Variants in LIPC observed in about 807,000 individuals in gnomAD.
LIPC encodes lipase C, hepatic type.
Under a neutral mutation model 50.7 loss-of-function variants are expected in LIPC, and 44 were observed. That is an observed-to-expected ratio of 0.87 (90% confidence interval 0.68 to 1.11). The LOEUF is 1.11. LIPC is among the 50% of genes most tolerant of loss of function. The pLI, the probability that LIPC is intolerant of heterozygous loss-of-function variation, is 0.00. For missense variants in LIPC, 697 were observed against 648.2 expected, an observed-to-expected ratio of 1.08 and a Z score of -0.82; for synonymous variants, 271 against 256.4, an observed-to-expected ratio of 1.06 and a Z score of -0.54.
chr15:58,547,068 T>A (rs2140924703), intron 5 of LIPC, among the ~76,000 whole-genome samples: 1 of 152,232 alleles, frequency 6.6e-6, no homozygotes, highest in Non-Finnish European at 1.5e-5. Context: ...GTATGGGCTT[T>A]ATTTTCCTGG....
intron 1 of LIPC, among the ~76,000 whole-genome samples, chr15:58,442,860 C>T (rs943348727): frequency 2.0e-5 from 3 of 152,170 alleles, no homozygotes; most frequent in Non-Finnish European, 2.9e-5. Context: ...GTTCTGGTGT[C>T]CCTCTCAGAG....
intron 6 of LIPC, among the ~76,000 whole-genome samples, chr15:58,555,899 G>C (rs977986148): frequency 1.3e-5 from 2 of 152,158 alleles, no homozygotes; most frequent in African/African-American, 4.8e-5. Context: ...TCTCTTCTCC[G>C]CCCTGATCTC....
At chr15:58,555,489 A>C (rs1434488169) in intron 6 of LIPC, among the ~76,000 whole-genome samples, 3 of 152,174 alleles carry the variant, frequency 2.0e-5, no homozygotes, top group Non-Finnish European at 4.4e-5. Context: ...GGCGATATAG[A>C]AAGAGTCTTT....
chr15:58,547,110 G>T (rs552305338), intron 5 of LIPC, among the ~76,000 whole-genome samples: 1 of 152,166 alleles, frequency 6.6e-6, no homozygotes, highest in African/African-American at 2.4e-5. Flanking sequence ...ATTACCATTT[G>T]CTCTTTTGTG....
intron 1 of LIPC, among the ~76,000 whole-genome samples, chr15:58,453,862 G>A (rs1894009535): frequency 6.9e-6 from 1 of 145,944 alleles, no homozygotes; most frequent in African/African-American, 2.5e-5. Flanking sequence ...GCAAGACCCT[G>A]TCTCAAAAAA....
At chr15:58,546,865 G>A (rs539161729) in intron 5 of LIPC, among the ~76,000 whole-genome samples, 60 of 152,124 alleles carry the variant, frequency 3.9e-4, no homozygotes, top group Admixed American at 1.6e-3. Context: ...CATTTTGGCT[G>A]GACTCCCAGC....
intron 8 of LIPC, among the ~76,000 whole-genome samples, chr15:58,567,333 ATATATGTATATGTATATATATATATG>A (rs1566955195): frequency 1.5e-4 from 11 of 74,928 alleles, no homozygotes; most frequent in African/African-American, 1.1e-3. Context: ...GTATATATAT[ATATATGTATATGTATATATATATATG>A]TATATGTATA....
At chr15:58,557,952 C>T (rs1249821632) in intron 6 of LIPC, among the ~76,000 whole-genome samples, 1 of 152,130 alleles carries the variant, frequency 6.6e-6, no homozygotes, top group Non-Finnish European at 1.5e-5. Flanking sequence ...CTTGACAAAC[C>T]CCCAAATAGT....
chr15:58,542,307 G>T (rs1263587122), intron 3 of LIPC, among the ~76,000 whole-genome samples: 1 of 152,196 alleles, frequency 6.6e-6, no homozygotes, highest in African/African-American at 2.4e-5. Flanking sequence ...TTAGTGTCCA[G>T]GGGAAGACAG....
At chr15:58,465,594 C>T (rs952419022) in intron 1 of LIPC, among the ~76,000 whole-genome samples, 5 of 149,850 alleles carry the variant, frequency 3.3e-5, no homozygotes, top group South Asian at 2.2e-4. Flanking sequence ...GGGTCAGAAC[C>T]GTAACATAAC....
At chr15:58,529,985 T>C (rs1470207234) in intron 1 of LIPC, among the ~76,000 whole-genome samples, 1 of 152,276 alleles carries the variant, frequency 6.6e-6, no homozygotes, top group Admixed American at 6.5e-5. Flanking sequence ...CTTGGTTTGC[T>C]TACCTGTGGA....
chr15:58,447,691 T>C (rs549219648), intron 1 of LIPC, among the ~76,000 whole-genome samples: 1 of 152,228 alleles, frequency 6.6e-6, no homozygotes, highest in Non-Finnish European at 1.5e-5. Context: ...GAGAGCTTGA[T>C]ACAATGAATG....
chr15:58,499,086 G>T (rs947844705), intron 1 of LIPC, among the ~76,000 whole-genome samples: 2 of 152,204 alleles, frequency 1.3e-5, no homozygotes, highest in African/African-American at 4.8e-5. Flanking sequence ...GCTGGGGTGG[G>T]AAGAATGGAG....
chr15:58,521,900 C>A (rs1339428586), intron 1 of LIPC: 1 of 121,604 alleles, frequency 8.2e-6, no homozygotes, highest in African/African-American at 2.7e-5. Flanking sequence ...TAGGAACGCT[C>A]TGTCATCTCT....
Position 58,527,141 on chromosome 15 carries a change from C to A in LIPC, c.89-11192C>A, listed in dbSNP as rs151321792. 5.2e-3 allele frequency among the ~76,000 whole-genome samples: 799 copies of A among 152,316 alleles called. 5 individuals carry two copies. The highest frequency in any genetic ancestry group is 0.019 in the African/African-American group (775 of 41,560). On this transcript the variant is annotated intron_variant, in intron 1 of 8. Coordinates refer to ENST00000299022, the MANE Select transcript of LIPC (RefSeq NM_000236.3). ...AGAATATCTTAGGGGAAATAGTGCACATGCCCAGAAAACTTTTATAGTCTC... is the reference window on the plus strand; with the variant it reads ...AGAATATCTTAGGGGAAATAGTGCAAATGCCCAGAAAACTTTTATAGTCTC...
intron 1 of LIPC, among the ~76,000 whole-genome samples, chr15:58,500,201 G>A (rs529907328): frequency 6.6e-6 from 1 of 152,228 alleles, no homozygotes; most frequent in African/African-American, 2.4e-5. Flanking sequence ...CATGAAAACC[G>A]TGGAGCCAGA....
At chr15:58,543,863 C>G (rs1893426250) in intron 4 of LIPC, among the ~76,000 whole-genome samples, 2 of 152,136 alleles carry the variant, frequency 1.3e-5, no homozygotes, top group Non-Finnish European at 1.5e-5. Flanking sequence ...CTCAGGTGAT[C>G]CACCATCTCG....
intron 1 of LIPC, among the ~76,000 whole-genome samples, chr15:58,527,624 A>C (rs1156465587): frequency 5.3e-5 from 8 of 152,156 alleles, no homozygotes; most frequent in South Asian, 4.2e-4. Flanking sequence ...CCAACACAAC[A>C]CTTTCCAAAC....
chr15:58,437,300 C>T (rs770725419), intron 1 of LIPC, among the ~76,000 whole-genome samples: 1 of 151,894 alleles, frequency 6.6e-6, no homozygotes, highest in Non-Finnish European at 1.5e-5. Flanking sequence ...ATCAAAGGGA[C>T]CTGTGACCTC....
Sources: gnomAD v4.1 joint callset for allele counts (sites outside exome capture counted in the v4.1 genomes callset) on GRCh38, gnomAD v4.1.1 for gene constraint, MANE v1.5 for transcripts, NCBI Gene and HGNC (gene_info 2026-07-23, HGNC 2026-07-21) for gene names.